ELP4: variants seen among roughly 807,000 people sequenced by gnomAD.
The protein encoded by ELP4 is elongator complex protein 4.
Under a neutral mutation model 48.9 loss-of-function variants are expected in ELP4, and 51 were observed. The observed-to-expected ratio is 1.04, with a 90% CI of 0.83 to 1.32. ELP4 has a LOEUF of 1.32. Among genes scored for constraint, ELP4 ranks in the 40% most tolerant of loss-of-function variants. ELP4 has a pLI of 0.00. For synonymous variants in ELP4, 210 were observed against 189.2 expected (o/e 1.11, Z -0.90); for missense variants, 519 against 514.6 (o/e 1.01, Z -0.08).
At chr11:31,548,055 C>T (rs1165574410) in intron 3 of ELP4, among the ~76,000 whole-genome samples, 1 of 152,172 alleles carries the variant, frequency 6.6e-6, no homozygotes, top group Admixed American at 6.5e-5. Context: ...AAACTGGAAG[C>T]ATTCCCTTTG....
At chr11:31,668,250 G>A (rs1026563202) in intron 9 of ELP4, among the ~76,000 whole-genome samples, 3 of 151,928 alleles carry the variant, frequency 2.0e-5, no homozygotes, top group Non-Finnish European at 4.4e-5. Context: ...TTTAATATAC[G>A]TATATGCTTA....
At chr11:31,579,508 C>T (rs985568456) in intron 3 of ELP4, among the ~76,000 whole-genome samples, 2 of 152,080 alleles carry the variant, frequency 1.3e-5, no homozygotes. Context: ...CGGCACTTTT[C>T]GCAATAGCAA....
chr11:31,730,156 G>A (rs972925061), intron 9 of ELP4, among the ~76,000 whole-genome samples: 16 of 152,236 alleles, frequency 1.1e-4, no homozygotes, highest in South Asian at 4.2e-4. Context: ...TGCATACTCC[G>A]AGTCAATCAG....
intron 2 of ELP4, among the ~76,000 whole-genome samples, chr11:31,523,195 C>T (rs1956243982): frequency 6.6e-6 from 1 of 151,986 alleles, no homozygotes; most frequent in Non-Finnish European, 1.5e-5. Context: ...TTTCTTCATT[C>T]CCAAGTCTAT....
intron 3 of ELP4, among the ~76,000 whole-genome samples, chr11:31,575,689 T>G (rs1957263448): frequency 6.6e-6 from 1 of 152,178 alleles, no homozygotes; most frequent in Admixed American, 6.5e-5. Context: ...CCAGCCAAAC[T>G]AAGCTTCATA....
Position 31,662,468 on chromosome 11 carries a change from T to C in ELP4, c.1143+12247T>C, listed in dbSNP as rs539204167. The C allele has an allele frequency of 1.5e-4, 59 of 395,950 alleles. No individual in the cohort carries two copies. The East Asian group carries it at 2.1e-3, about 14-fold the overall frequency. The allele number at this position is 395,950 out of a possible 1,614,324, so 24.5% of individuals were successfully genotyped here. A position where few individuals can be genotyped will look rare whatever the true frequency, so the allele number is the denominator to read the frequency against. On this transcript the variant is annotated intron_variant, in intron 9 of 9. Transcript: ENST00000640961. ...CCATGTTGTTGTTGTTGTTGTTGTT[T>C]TAATACATTTTATTGTAACAGCCAT... is the stretch of plus-strand genomic sequence containing the variant.
intron 4 of ELP4, among the ~76,000 whole-genome samples, chr11:31,595,423 T>C (rs1483068622): frequency 1.3e-5 from 2 of 152,186 alleles, no homozygotes; most frequent in Non-Finnish European, 2.9e-5. Flanking sequence ...GGTTCATTTA[T>C]TAGCTCCCTT....
At chr11:31,591,330 C>T (rs1269988559) in intron 3 of ELP4, among the ~76,000 whole-genome samples, 2 of 145,482 alleles carry the variant, frequency 1.4e-5, no homozygotes, top group Admixed American at 7.2e-5. Context: ...GGCATGAACC[C>T]GAGAGGTGGA....
chr11:31,761,398 A>G (rs916834988), intron 9 of ELP4, among the ~76,000 whole-genome samples: 2 of 151,920 alleles, frequency 1.3e-5, no homozygotes, highest in African/African-American at 4.8e-5. Flanking sequence ...CTCATTTTTT[A>G]ACTATACCCA....
intron 3 of ELP4, among the ~76,000 whole-genome samples, chr11:31,575,306 A>G (rs948685763): frequency 2.0e-5 from 3 of 152,218 alleles, no homozygotes; most frequent in Non-Finnish European, 4.4e-5. Context: ...GACCAAATCT[A>G]TGTCTGATTG....
Position 31,788,458 on chromosome 11 carries a change from AG to A in ELP4, c.*4935del, listed in dbSNP as rs1948839124. 4.5e-6 allele frequency: 1 copy of A among 223,686 alleles called. No individual in the cohort carries two copies. Among genetic ancestry groups the A allele is most frequent in the Non-Finnish European group, 8.9e-6 (1 of 112,090 alleles). 13.9% of individuals were successfully genotyped at this position (223,686 alleles called of 1,614,324 possible). A position where few individuals can be genotyped will look rare whatever the true frequency, so the allele number is the denominator to read the frequency against. On this transcript the variant is annotated 3_prime_UTR_variant, in exon 10 of 10. Coordinates refer to ENST00000640961, the MANE Select transcript of ELP4 (RefSeq NM_019040.5). Reference sequence around the variant, plus strand: ...GATGCCTCTTGTGCAAAGGGGAGGGAGACAGAAAAGGGAGAGGGCCTATTTG... The same window carrying A: ...GATGCCTCTTGTGCAAAGGGGAGGGAACAGAAAAGGGAGAGGGCCTATTTG...
At position 31,752,101 on chromosome 11, in the gene ELP4, G is replaced by GA. The variant is rs1247804543; in HGVS notation, c.1144-31284dup. On this transcript the variant is annotated intron_variant, in intron 9 of 9. Coordinates refer to ENST00000640961, the MANE Select transcript of ELP4 (RefSeq NM_019040.5). ...TTCATCAGTCTCACTATTGCAGATAGAAAAAAAATTCTAAATAGAACAGTG... is the reference window on the plus strand; with the variant it reads ...TTCATCAGTCTCACTATTGCAGATAGAAAAAAAAATTCTAAATAGAACAGTG... 2.0e-5 allele frequency among the ~76,000 whole-genome samples: 3 copies of GA among 152,080 alleles called. No individual in the cohort carries two copies. In the East Asian group the frequency reaches 5.8e-4, roughly 29 times the overall value.
intron 1 of ELP4, 60 bp downstream of exon 1, chr11:31,510,067 G>A: frequency 6.6e-7 from 1 of 1,516,222 alleles, no homozygotes; most frequent in South Asian, 1.1e-5. Context: ...GGGACCTGTC[G>A]GGGAAGCCAC....
intron 9 of ELP4, chr11:31,654,596 A>G (rs970176112): frequency 7.9e-5 from 12 of 151,856 alleles, no homozygotes; most frequent in Admixed American, 7.9e-4. Context: ...ACTTGGTACT[A>G]TTCAGTAGGA....
In ELP4 at chr11:31,609,272, C is replaced by T. The variant is rs1390510355; in HGVS notation, c.653+5365C>T. ...TAGTAGCTGACATTTGGCACGATCT[C>T]GTTGGGCTTTATTTTTTCTTGTTCA... On this transcript the variant is annotated intron_variant, in intron 5 of 9. Transcript: ENST00000640961. Among the ~76,000 whole-genome samples the T allele has an allele frequency of 6.6e-5, 10 of 152,096 alleles. No individual in the cohort carries two copies. In the South Asian group the frequency reaches 1.2e-3, roughly 19 times the overall value.
chr11:31,640,608 AGGGG>A, intron 7 of ELP4, among the ~76,000 whole-genome samples: 3 of 151,970 alleles, frequency 2.0e-5, no homozygotes, highest in Non-Finnish European at 4.4e-5. Context: ...TGGGAAGGAC[AGGGG>A]AGAGATTAAA....
At chr11:31,659,184 G>A (rs1357468428) in intron 9 of ELP4, among the ~76,000 whole-genome samples, 1 of 151,980 alleles carries the variant, frequency 6.6e-6, no homozygotes, top group Non-Finnish European at 1.5e-5. Flanking sequence ...CTGGTAAAGC[G>A]GTTCTCTTAC....
chr11:31,670,358 G>C (rs1945783002), intron 9 of ELP4, among the ~76,000 whole-genome samples: 1 of 152,034 alleles, frequency 6.6e-6, no homozygotes, highest in Non-Finnish European at 1.5e-5. Context: ...ATTGTTCCTA[G>C]TCAATTGACA....
intron 3 of ELP4, among the ~76,000 whole-genome samples, chr11:31,589,545 C>A (rs1398098062): frequency 6.6e-6 from 1 of 152,152 alleles, no homozygotes; most frequent in African/African-American, 2.4e-5. Context: ...AATTACAGAA[C>A]CTTGGATTCT....
Sources: gnomAD v4.1 joint callset for allele counts (sites outside exome capture counted in the v4.1 genomes callset) on GRCh38, gnomAD v4.1.1 for gene constraint, MANE v1.5 for transcripts, NCBI Gene and HGNC (gene_info 2026-07-23, HGNC 2026-07-21) for gene names.